The following MKX variants were observed in gnomAD, a reference collection of about 807,000 sequenced individuals.
MKX encodes homeobox protein Mohawk.
Under a neutral mutation model 36.0 loss-of-function variants are expected in MKX, and 13 were observed. The ratio of observed to expected loss-of-function variants is 0.36; its 90% CI spans 0.24 to 0.57. The LOEUF (loss-of-function observed/expected upper bound fraction) is 0.57. Among genes scored for constraint, MKX ranks in the 20% least tolerant of loss-of-function variants. The pLI is 0.79. For missense variants in MKX, 458 were observed against 456.4 expected, an observed-to-expected ratio of 1.00 and a Z score of -0.03; for synonymous variants, 176 against 178.3, an observed-to-expected ratio of 0.99 and a Z score of 0.10.
At chr10:27,686,705 A>C (rs960353987) in intron 5 of MKX, among the ~76,000 whole-genome samples, 3 of 152,028 alleles carry the variant, frequency 2.0e-5, no homozygotes, top group Admixed American at 1.3e-4. Context: ...TCAAACTCTC[A>C]ACCTCAGGTG....
Position 27,741,676 on chromosome 10 carries a change from G to A in MKX, c.189-172C>T, listed in dbSNP as rs1450393590. On this transcript the variant is annotated intron_variant, in intron 2 of 6. Coordinates refer to ENST00000419761, the MANE Select transcript of MKX (RefSeq NM_173576.3). The surrounding 1 kb of genome is among the most constrained non-coding windows in gnomAD (Gnocchi z 5.1). Reference sequence around the variant, plus strand: ...AGAGGCAGGAAGTGGGAGCCACACAGTTTCTGGATGGGGAGATCATTTCGA... The same window carrying A: ...AGAGGCAGGAAGTGGGAGCCACACAATTTCTGGATGGGGAGATCATTTCGA... Among the ~76,000 whole-genome samples, 1 of 152,232 alleles carries A rather than the reference G, an allele frequency of 6.6e-6. No homozygotes were observed. The highest frequency in any genetic ancestry group is 1.5e-5 in the Non-Finnish European group (1 of 68,040).
At chr10:27,737,130 T>C (rs1185499852) in intron 3 of MKX, among the ~76,000 whole-genome samples, 1 of 152,164 alleles carries the variant, frequency 6.6e-6, no homozygotes, top group Non-Finnish European at 1.5e-5. Context: ...TGGTGAACAT[T>C]AGCTGTGGAA....
intron 5 of MKX, among the ~76,000 whole-genome samples, chr10:27,694,527 A>AAAATATATATAT (rs547670335): frequency 3.3e-4 from 38 of 114,332 alleles, no homozygotes; most frequent in Middle Eastern, 4.3e-3. Flanking sequence ...AAAAAAAAAA[A>AAAATATATATAT]ATATATATAT....
chr10:27,683,970 C>A (rs1402759881), intron 5 of MKX, among the ~76,000 whole-genome samples: 1 of 152,172 alleles, frequency 6.6e-6, no homozygotes, highest in African/African-American at 2.4e-5. Context: ...GCTTCCATAC[C>A]CATCTACAAA....
intron 5 of MKX, among the ~76,000 whole-genome samples, chr10:27,705,995 C>G (rs139048589): frequency 6.6e-6 from 1 of 152,150 alleles, no homozygotes; most frequent in Non-Finnish European, 1.5e-5. Context: ...TTTTCACCTT[C>G]GAGACTGAAA....
In MKX at chr10:27,741,561, G is replaced by T; in HGVS notation, c.189-57C>A. 1 of 1,509,366 alleles carries T rather than the reference G, an allele frequency of 6.6e-7. No individual in the cohort carries two copies. The allele number at this position is 1,509,366 out of a possible 1,614,324, so 93.5% of individuals were successfully genotyped here. On this transcript the variant is annotated intron_variant, in intron 2 of 6. Transcript: ENST00000419761. The surrounding 1 kb of genome is among the most constrained non-coding windows in gnomAD (Gnocchi z 5.1). Reference sequence around the variant, plus strand: ...GAGCGACGCGTTTGCCCGCCCGGACGCTCCACGCCCCGGCCAAGCCCGGGC... The same window carrying T: ...GAGCGACGCGTTTGCCCGCCCGGACTCTCCACGCCCCGGCCAAGCCCGGGC...
intron 5 of MKX, among the ~76,000 whole-genome samples, chr10:27,689,587 G>A (rs1324001785): frequency 6.6e-6 from 1 of 152,116 alleles, no homozygotes; most frequent in Non-Finnish European, 1.5e-5. Flanking sequence ...AAAGAACCAT[G>A]CATAAAGGCG....
At chr10:27,688,901 G>A (rs1836403858) in intron 5 of MKX, among the ~76,000 whole-genome samples, 1 of 152,106 alleles carries the variant, frequency 6.6e-6, no homozygotes, top group Admixed American at 6.5e-5. Context: ...ATGGTGTTAG[G>A]CTACAAAGGA....
At position 27,689,309 on chromosome 10, in the gene MKX, C is replaced by A. The variant is rs527476910; in HGVS notation, c.839-13755G>T. ...CTGCTGTATTTACTACTAGAAAAAA[C>A]CCCCACATTTTAGACATAAGATGAA... On this transcript the variant is annotated intron_variant, in intron 5 of 6. Transcript: ENST00000419761. 2.8e-3 allele frequency among the ~76,000 whole-genome samples: 432 copies of A among 152,278 alleles called. 4 individuals are homozygous for A. The highest frequency in any genetic ancestry group is 9.8e-3 in the African/African-American group (409 of 41,558).
At chr10:27,687,011 T>C (rs72797680) in intron 5 of MKX, among the ~76,000 whole-genome samples, 119 of 25,054 alleles carry the variant, frequency 4.7e-3, no homozygotes, top group Non-Finnish European at 0.029. Flanking sequence ...ACCTCTCTCT[T>C]TTTTTTTTTT....
At position 27,741,363 on chromosome 10, in the gene MKX, C is replaced by T. The variant is rs192915859; in HGVS notation, c.330G>A (p.Ser110=). Residue 110 remains serine, a synonymous_variant, in exon 3 of 7, where the codon TCG becomes TCA. Transcript: ENST00000419761. This position sits in a 1 kb window ranked among gnomAD's most constrained non-coding sequence, Gnocchi z 5.1. The stretch of plus-strand genomic sequence containing the variant: ...TGATTACCTGCACTAGCGTCATCTG[C>T]GAGCCGAGGGCCAAGAGTATCTTCT... ...KTEKILLALG[S]QMTLVQVSNW... is the part of the protein sequence containing the mutation. The T allele has an allele frequency of 5.0e-6, 8 of 1,612,628 alleles. No homozygotes were observed. Among genetic ancestry groups the T allele is most frequent in the South Asian group, 3.3e-5 (3 of 90,690 alleles).
intron 5 of MKX, among the ~76,000 whole-genome samples, chr10:27,712,884 C>T (rs1321719261): frequency 6.6e-6 from 1 of 152,100 alleles, no homozygotes; most frequent in East Asian, 1.9e-4. Flanking sequence ...TGGCAGTGAG[C>T]CATGATCATG....
intron 5 of MKX, among the ~76,000 whole-genome samples, chr10:27,694,347 G>T (rs1836509884): frequency 6.6e-6 from 1 of 151,678 alleles, no homozygotes; most frequent in African/African-American, 2.4e-5. Context: ...TTTGGGTTTG[G>T]TTTTGGAATA....
At chr10:27,677,144 G>A (rs762301047) in intron 5 of MKX, among the ~76,000 whole-genome samples, 4 of 152,042 alleles carry the variant, frequency 2.6e-5, no homozygotes, top group Non-Finnish European at 5.9e-5. Context: ...CATCATCATC[G>A]TCATCATCAT....
chr10:27,701,246 A>G (rs1836645923), intron 5 of MKX, among the ~76,000 whole-genome samples: 1 of 150,338 alleles, frequency 6.7e-6, no homozygotes, highest in South Asian at 2.1e-4. Context: ...GTTTTAATAA[A>G]CAAGGGTTTT....
intron 5 of MKX, among the ~76,000 whole-genome samples, chr10:27,688,087 G>A (rs1479050544): frequency 1.3e-5 from 2 of 151,814 alleles, no homozygotes; most frequent in African/African-American, 4.8e-5. Context: ...AATAGTACCA[G>A]AGTCATAGGG....
chr10:27,692,544 G>A (rs897340799), intron 5 of MKX, among the ~76,000 whole-genome samples: 1 of 152,158 alleles, frequency 6.6e-6, no homozygotes, highest in East Asian at 1.9e-4. Flanking sequence ...CAAAATTGTT[G>A]TGCTGGTAGG....
At chr10:27,713,227 G>A (rs10829311) in intron 5 of MKX, among the ~76,000 whole-genome samples, 18,382 of 152,226 alleles carry the variant, frequency 0.12, 1,198 homozygotes, top group East Asian at 0.3. Flanking sequence ...CTTCCATAGT[G>A]TGCAATCAAG....
intron 5 of MKX, among the ~76,000 whole-genome samples, chr10:27,686,008 C>T (rs961807111): frequency 8.5e-5 from 13 of 152,280 alleles, no homozygotes; most frequent in African/African-American, 3.1e-4. Context: ...GATGACCAAA[C>T]TCTTCTACCA....
Sources: gnomAD v4.1 joint callset for allele counts (sites outside exome capture counted in the v4.1 genomes callset) on GRCh38, gnomAD v4.1.1 for gene constraint, Gnocchi (gnomAD v3.1) non-coding constraint, MANE v1.5 for transcripts, NCBI Gene and HGNC (gene_info 2026-07-23, HGNC 2026-07-21) for gene names.